Variants in OXR1 observed in about 807,000 individuals in gnomAD.
The protein encoded by OXR1 is oxidation resistance 1.
Under a neutral mutation model 104.6 loss-of-function variants are expected in OXR1, and 41 were observed. The ratio of observed to expected loss-of-function variants is 0.39; its 90% CI spans 0.31 to 0.51. The LOEUF is 0.51. Among genes scored for constraint, OXR1 ranks in the 20% least tolerant of loss-of-function variants. The pLI is 0.77. For missense variants in OXR1, 955 were observed against 1,031.9 expected, an observed-to-expected ratio of 0.93 and a Z score of 1.02; for synonymous variants, 348 against 348.4, an observed-to-expected ratio of 1.00 and a Z score of 0.01.
chr8:106,432,003 A>C (rs1191635561), intron 2 of OXR1, among the ~76,000 whole-genome samples: 1 of 152,146 alleles, frequency 6.6e-6, no homozygotes, highest in African/African-American at 2.4e-5. Context: ...TAAAGTCAAC[A>C]CTGTTATATA....
At chr8:106,373,352 G>A (rs1378934624) in intron 2 of OXR1, among the ~76,000 whole-genome samples, 3 of 152,058 alleles carry the variant, frequency 2.0e-5, no homozygotes, top group Non-Finnish European at 4.4e-5. Context: ...AAACACAAAA[G>A]TGCATTAAAC....
intron 1 of OXR1, among the ~76,000 whole-genome samples, chr8:106,299,582 A>G (rs1563703175): frequency 6.6e-6 from 1 of 152,116 alleles, no homozygotes. Context: ...TGATAGTAAC[A>G]GAATCTTGCT....
chr8:106,382,372 A>G (rs758703446), intron 2 of OXR1, among the ~76,000 whole-genome samples: 1 of 152,212 alleles, frequency 6.6e-6, no homozygotes, highest in African/African-American at 2.4e-5. Flanking sequence ...ATGTTCCATA[A>G]TGTCTTATGT....
At chr8:106,435,625 A>G (rs1192602208) in intron 2 of OXR1, among the ~76,000 whole-genome samples, 6 of 152,144 alleles carry the variant, frequency 3.9e-5, no homozygotes, top group Non-Finnish European at 2.9e-5. Flanking sequence ...TCTCTACATG[A>G]TGGGACGGGG....
At chr8:106,344,720 A>G (rs184503247) in intron 1 of OXR1, among the ~76,000 whole-genome samples, 2 of 152,322 alleles carry the variant, frequency 1.3e-5, no homozygotes, top group African/African-American at 4.8e-5. Context: ...GGACAGGAAG[A>G]ATTTAGCCAG....
At chr8:106,658,801 C>A (rs919313210) in intron 3 of OXR1, among the ~76,000 whole-genome samples, 4 of 152,028 alleles carry the variant, frequency 2.6e-5, no homozygotes, top group Admixed American at 2.6e-4. Context: ...TTGTGTTGGC[C>A]GATTTTTTTC....
chr8:106,743,502 G>A (rs1835112567), intron 15 of OXR1, among the ~76,000 whole-genome samples: 1 of 152,126 alleles, frequency 6.6e-6, no homozygotes, highest in African/African-American at 2.4e-5. Context: ...TGTATTTTTA[G>A]TAGAGACGGG....
chr8:106,584,206 G>C (rs554428344), intron 3 of OXR1, among the ~76,000 whole-genome samples: 1 of 151,702 alleles, frequency 6.6e-6, no homozygotes, highest in African/African-American at 2.4e-5. Context: ...TCTGAAAGTA[G>C]AAAAGAGATG....
At chr8:106,588,626 C>T (rs1247721717) in intron 3 of OXR1, among the ~76,000 whole-genome samples, 3 of 151,660 alleles carry the variant, frequency 2.0e-5, no homozygotes, top group Non-Finnish European at 2.9e-5. Context: ...TAGCTGGGAA[C>T]AGGCATCCAC....
chr8:106,490,380 A>T (rs1810996759), intron 2 of OXR1, among the ~76,000 whole-genome samples: 1 of 151,080 alleles, frequency 6.6e-6, no homozygotes, highest in South Asian at 2.1e-4. Flanking sequence ...GATTTTTGAG[A>T]TGGAGTCTCA....
At chr8:106,310,897 G>T (rs1400605642) in intron 1 of OXR1, among the ~76,000 whole-genome samples, 2 of 152,014 alleles carry the variant, frequency 1.3e-5, no homozygotes, top group Non-Finnish European at 2.9e-5. Flanking sequence ...TGTGCCTCAG[G>T]TTGGATCATT....
intron 2 of OXR1, among the ~76,000 whole-genome samples, chr8:106,501,467 G>A (rs535535015): frequency 5.3e-5 from 8 of 152,278 alleles, no homozygotes; most frequent in East Asian, 3.9e-4. Flanking sequence ...ATGGAGTGAC[G>A]GACACGATCT....
chr8:106,519,342 G>T (rs1813086339), intron 3 of OXR1, among the ~76,000 whole-genome samples: 1 of 152,146 alleles, frequency 6.6e-6, no homozygotes, highest in Non-Finnish European at 1.5e-5. Context: ...AATAAAAGCA[G>T]GCTTGAGGAC....
At chr8:106,638,618 C>T (rs561597169) in intron 3 of OXR1, among the ~76,000 whole-genome samples, 2 of 152,084 alleles carry the variant, frequency 1.3e-5, no homozygotes, top group Admixed American at 6.5e-5. Flanking sequence ...AGCAAATACC[C>T]GGCTGGGCGC....
Position 106,632,822 on chromosome 8 carries a change from C to T in OXR1, c.221-46388C>T, listed in dbSNP as rs891895078. ...GACATAGTGGTGCATGGCTGTGGTC[C>T]CAGCTATTCAGGAGGCTGAGGTGGG... On this transcript the variant is annotated intron_variant, in intron 3 of 16. Transcript: ENST00000517566. Among the ~76,000 whole-genome samples the T allele has an allele frequency of 2.0e-5, 3 of 152,130 alleles. No homozygotes were observed. In the South Asian group the frequency reaches 6.2e-4, roughly 32 times the overall value.
intron 1 of OXR1, among the ~76,000 whole-genome samples, chr8:106,339,519 A>ATATATATAT (rs1491207047): frequency 3.0e-5 from 1 of 33,372 alleles, no homozygotes; most frequent in Non-Finnish European, 5.3e-5. Context: ...AAAAAAAAAA[A>ATATATATAT]ATATATATAT....
intron 3 of OXR1, among the ~76,000 whole-genome samples, chr8:106,631,068 G>T (rs1822644518): frequency 6.6e-6 from 1 of 152,126 alleles, no homozygotes; most frequent in Non-Finnish European, 1.5e-5. Context: ...AAGTAAGAAA[G>T]ACCAACAATA....
At chr8:106,707,907 T>C (rs1335859074) in intron 9 of OXR1, among the ~76,000 whole-genome samples, 1 of 152,192 alleles carries the variant, frequency 6.6e-6, no homozygotes, top group Non-Finnish European at 1.5e-5. Context: ...TGTTTTGCTG[T>C]AATACATAAA....
intron 2 of OXR1, among the ~76,000 whole-genome samples, chr8:106,506,770 T>C (rs1161081600): frequency 6.6e-6 from 1 of 151,934 alleles, no homozygotes; most frequent in Non-Finnish European, 1.5e-5. Context: ...GAATCAAAAT[T>C]ACAAAATATT....
Sources: allele counts gnomAD v4.1 joint callset (sites outside exome capture counted in the v4.1 genomes callset), GRCh38; gene constraint gnomAD v4.1.1; transcripts MANE v1.5; gene names NCBI Gene and HGNC (gene_info 2026-07-23, HGNC 2026-07-21).